HTR2C: variants seen among roughly 807,000 people sequenced by gnomAD.
HTR2C encodes the protein 5-hydroxytryptamine receptor 2C.
In HTR2C, 5 loss-of-function variants were observed where a neutral mutation model predicts 21.0. The observed-to-expected ratio is 0.24, with a 90% CI of 0.12 to 0.50. The LOEUF (loss-of-function observed/expected upper bound fraction) is 0.50. Ranked by LOEUF, HTR2C falls within the 20% of genes least tolerant of loss-of-function variation. The pLI, the probability that HTR2C is intolerant of heterozygous loss-of-function variation, is 0.98. For synonymous variants in HTR2C, 150 were observed against 145.3 expected (o/e 1.03, Z -0.23); for missense variants, 271 against 371.2 (o/e 0.73, Z 2.22).
At chrX:114,813,711 C>T (rs1353140829) in intron 4 of HTR2C, among the ~76,000 whole-genome samples, 2 of 111,009 alleles carry the variant, frequency 1.8e-5, no homozygotes, top group Admixed American at 9.7e-5. Context: ...TTGAGAAGAG[C>T]TTCTTATATA....
intron 1 of HTR2C, among the ~76,000 whole-genome samples, chrX:114,595,858 GCTA>G: frequency 9.0e-6 from 1 of 111,626 alleles, no homozygotes; most frequent in Middle Eastern, 4.7e-3. Flanking sequence ...TGGAAGTCTA[GCTA>G]TCTGGTTGCA....
chrX:114,907,531 T>G lies in HTR2C; in HGVS notation c.*116T>G. The G allele has an allele frequency of 7.4e-6, 4 of 541,699 alleles. No homozygotes were observed. The South Asian group carries it at 1.3e-4, about 17-fold the overall frequency. 44.6% of individuals were successfully genotyped at this position (541,699 alleles called of 1,213,427 possible). ...AATATTGCTGTCTGAAAAAGTGTTTTTACATATAGCTTTGCAACCTTGTAC... is the reference window on the plus strand; with the variant it reads ...AATATTGCTGTCTGAAAAAGTGTTTGTACATATAGCTTTGCAACCTTGTAC... On this transcript the variant is annotated 3_prime_UTR_variant, in exon 6 of 6. Coordinates refer to ENST00000276198, the MANE Select transcript of HTR2C (RefSeq NM_000868.4).
At chrX:114,612,485 C>T (rs1304170253) in intron 1 of HTR2C, among the ~76,000 whole-genome samples, 2 of 111,817 alleles carry the variant, frequency 1.8e-5, no homozygotes, top group Non-Finnish European at 3.8e-5. Context: ...ATATTTATTT[C>T]AGTCTTGTTT....
chrX:114,747,624 G>A (rs1459681920), intron 4 of HTR2C, among the ~76,000 whole-genome samples: 2 of 112,272 alleles, frequency 1.8e-5, no homozygotes, highest in East Asian at 5.6e-4. Context: ...CTGAGATTAC[G>A]TTATAAAAGA....
intron 4 of HTR2C, among the ~76,000 whole-genome samples, chrX:114,787,309 C>T (rs1246266611): frequency 8.9e-6 from 1 of 111,906 alleles, no homozygotes. Context: ...CATGCAATAA[C>T]ACATTGCATC....
intron 2 of HTR2C, among the ~76,000 whole-genome samples, chrX:114,677,960 T>A (rs1440642819): frequency 9.0e-6 from 1 of 111,211 alleles, no homozygotes; most frequent in Non-Finnish European, 1.9e-5. Flanking sequence ...CACTCTTTTT[T>A]TTTTCTATTT....
At chrX:114,612,785 C>A (rs1189744313) in intron 1 of HTR2C, among the ~76,000 whole-genome samples, 2 of 111,076 alleles carry the variant, frequency 1.8e-5, no homozygotes, top group African/African-American at 6.6e-5. Context: ...GGATCCAGAC[C>A]CCAAGAGAGG....
intron 2 of HTR2C, among the ~76,000 whole-genome samples, chrX:114,720,595 C>T (rs1377655995): frequency 1.1e-5 from 1 of 94,744 alleles, no homozygotes; most frequent in Admixed American, 1.2e-4. Flanking sequence ...ATACATGTGC[C>T]ATGCTGGTGT....
chrX:114,822,426 C>T (rs146782999), intron 4 of HTR2C, among the ~76,000 whole-genome samples: 2,049 of 112,168 alleles, frequency 0.018, 49 homozygotes, highest in African/African-American at 0.063. Context: ...CAGAAGTCCT[C>T]ATTATTATAT....
At chrX:114,841,906 C>T (rs1168197935) in intron 4 of HTR2C, among the ~76,000 whole-genome samples, 2 of 111,930 alleles carry the variant, frequency 1.8e-5, no homozygotes, top group East Asian at 5.6e-4. Flanking sequence ...TTAATCTTTA[C>T]TTCTAGTATC....
chrX:114,648,970 A>G (rs1172521320), intron 2 of HTR2C, among the ~76,000 whole-genome samples: 2 of 111,653 alleles, frequency 1.8e-5, no homozygotes, highest in Non-Finnish European at 3.8e-5. Context: ...ACTAACATGT[A>G]CCAAAAGTTT....
chrX:114,841,170 A>T (rs782723951), intron 4 of HTR2C, among the ~76,000 whole-genome samples: 1 of 112,038 alleles, frequency 8.9e-6, no homozygotes, highest in South Asian at 3.7e-4. Context: ...TTATCCTGTA[A>T]GGTAGTCATG....
chrX:114,880,581 C>T (rs1038982662), intron 5 of HTR2C, among the ~76,000 whole-genome samples: 1 of 110,790 alleles, frequency 9.0e-6, no homozygotes, highest in African/African-American at 3.3e-5. Flanking sequence ...ACCCTACTTA[C>T]CCAGAACACC....
intron 2 of HTR2C, among the ~76,000 whole-genome samples, chrX:114,620,111 T>C (rs145390810): frequency 1.6e-3 from 179 of 111,886 alleles, no homozygotes; most frequent in African/African-American, 5.6e-3. Context: ...TGGTGAAAAA[T>C]GAGAAGTCTC....
At chrX:114,738,386 A>C (rs2069611578) in intron 4 of HTR2C, among the ~76,000 whole-genome samples, 1 of 111,797 alleles carries the variant, frequency 8.9e-6, no homozygotes, top group African/African-American at 3.3e-5. Flanking sequence ...TACACCATAA[A>C]TGTATACTAA....
chrX:114,813,817 CAT>C (rs1440998743), intron 4 of HTR2C, among the ~76,000 whole-genome samples: 1 of 111,083 alleles, frequency 9.0e-6, no homozygotes, highest in Non-Finnish European at 1.9e-5. Flanking sequence ...TAAGTACTGA[CAT>C]ATATGTTATT....
At chrX:114,641,902 T>G (rs1177385032) in intron 2 of HTR2C, among the ~76,000 whole-genome samples, 1 of 110,212 alleles carries the variant, frequency 9.1e-6, no homozygotes, top group African/African-American at 3.3e-5. Flanking sequence ...TTACCCCCAC[T>G]CCCCGGCAAA....
intron 2 of HTR2C, among the ~76,000 whole-genome samples, chrX:114,719,419 T>C: frequency 9.0e-6 from 1 of 111,648 alleles, no homozygotes; most frequent in Non-Finnish European, 1.9e-5. Flanking sequence ...CATTTCTTAT[T>C]GCAAAATATC....
At chrX:114,625,933 T>A (rs782565132) in intron 2 of HTR2C, among the ~76,000 whole-genome samples, 17 of 111,487 alleles carry the variant, frequency 1.5e-4, no homozygotes, top group Non-Finnish European at 2.6e-4. Context: ...CAGCTCTACC[T>A]TCATTAAATG....
Sources: gnomAD v4.1 joint callset for allele counts (sites outside exome capture counted in the v4.1 genomes callset) on GRCh38, gnomAD v4.1.1 for gene constraint, MANE v1.5 for transcripts, NCBI Gene and HGNC (gene_info 2026-07-23, HGNC 2026-07-21) for gene names.